The following TTF1 variants were observed in gnomAD, a reference collection of about 807,000 sequenced individuals.
TTF1 encodes transcription termination factor, RNA polymerase I.
A neutral mutation model predicts 80.2 loss-of-function variants in TTF1; 64 were observed. The ratio of observed to expected loss-of-function variants is 0.80; its 90% CI spans 0.65 to 0.98. The LOEUF (loss-of-function observed/expected upper bound fraction) is 0.98. TTF1 is among the 50% of genes least tolerant of loss of function. The pLI is 0.00. For synonymous variants in TTF1, 372 were observed against 382.7 expected (o/e 0.97, Z 0.33); for missense variants, 1,023 against 1,086.2 (o/e 0.94, Z 0.82).
At chr9:132,405,659 T>G (rs1849852613) in intron 1 of TTF1, among the ~76,000 whole-genome samples, 2 of 152,252 alleles carry the variant, frequency 1.3e-5, no homozygotes, top group African/African-American at 4.8e-5. Flanking sequence ...GTTCCCCTGT[T>G]ATTCTTAAGA....
intron 9 of TTF1, among the ~76,000 whole-genome samples, chr9:132,379,417 G>A (rs779125040): frequency 1.3e-5 from 2 of 152,200 alleles, no homozygotes; most frequent in Non-Finnish European, 2.9e-5. Context: ...CACTAGTCGA[G>A]AAGGCAAAGT....
At chr9:132,405,653 C>T (rs1283745300) in intron 1 of TTF1, among the ~76,000 whole-genome samples, 1 of 152,186 alleles carries the variant, frequency 6.6e-6, no homozygotes, top group South Asian at 2.1e-4. Flanking sequence ...TTTAGGGTTC[C>T]CCTGTTATTC....
chr9:132,387,502 AGGAAACCCACAGT>A (rs139156259), intron 8 of TTF1, among the ~76,000 whole-genome samples: 66,448 of 151,946 alleles, frequency 0.44, 17,706 homozygotes, highest in Non-Finnish European at 0.6. Flanking sequence ...AAAGAGGATC[AGGAAACCCACAGT>A]GAGCCTTAGG....
intron 9 of TTF1, among the ~76,000 whole-genome samples, chr9:132,383,706 G>T (rs1406140775): frequency 6.6e-6 from 1 of 152,102 alleles, no homozygotes; most frequent in Non-Finnish European, 1.5e-5. Flanking sequence ...GATTTATTTG[G>T]TCCAGAGCAC....
rs1218743046 is a variant in TTF1, at chr9:132,402,105, T to C, written c.717A>G (p.Gly239=). 1 of 1,614,118 alleles carries C rather than the reference T, an allele frequency of 6.2e-7. No individual in the cohort carries two copies. Among genetic ancestry groups the C allele is most frequent in the African/African-American group, 1.3e-5 (1 of 74,996 alleles). ...TCCCGGCCTCTCTGCCTGCTTGCGA[T>C]CCTTCAGGCATGGCCAGTGTCTCAT... The part of the protein sequence containing the change: ...REYETLAMPE[G]SQAGREAGTD... The change falls in exon 2 of 11, where the codon GGA becomes GGG. Residue 239 remains glycine (G), a synonymous_variant. Transcript: ENST00000334270.
chr9:132,375,722 T>C lies in TTF1; in HGVS notation c.*193A>G. ...GAGAAAAAGGGACAAGAAATAGTAATCTCTCTCTCTCATGCGGTGGTGCGA... is the reference window on the plus strand; with the variant it reads ...GAGAAAAAGGGACAAGAAATAGTAACCTCTCTCTCTCATGCGGTGGTGCGA... On this transcript the variant is annotated 3_prime_UTR_variant, in exon 11 of 11. Transcript: ENST00000334270. The C allele has an allele frequency of 6.1e-6, 3 of 494,878 alleles. No individual in the cohort carries two copies. Among genetic ancestry groups the C allele is most frequent in the South Asian group, 2.6e-5 (1 of 38,678 alleles). The allele number at this position is 494,878 out of a possible 1,614,324, so 30.7% of individuals were successfully genotyped here. A position where few individuals can be genotyped will look rare whatever the true frequency, so the allele number is the denominator to read the frequency against.
intron 9 of TTF1, among the ~76,000 whole-genome samples, chr9:132,382,414 TA>T (rs1006378047): frequency 1.3e-5 from 2 of 151,876 alleles, no homozygotes; most frequent in Middle Eastern, 3.4e-3. Flanking sequence ...AGCTAAATAA[TA>T]AAAAAAAGTC....
intron 4 of TTF1, among the ~76,000 whole-genome samples, chr9:132,397,383 A>G (rs1274345416): frequency 6.6e-6 from 1 of 152,212 alleles, no homozygotes; most frequent in Non-Finnish European, 1.5e-5. Flanking sequence ...TTTAAATTCA[A>G]GAGAGATTTG....
At chr9:132,378,431 T>A (rs1167547504) in intron 10 of TTF1, among the ~76,000 whole-genome samples, 1 of 67,704 alleles carries the variant, frequency 1.5e-5, no homozygotes, top group African/African-American at 8.3e-5. Context: ...GTGCATGTGG[T>A]GTGTGAATGC....
intron 5 of TTF1, 129 bp from the exon 6 acceptor site, chr9:132,392,335 C>T (rs765466412): frequency 1.3e-5 from 14 of 1,074,942 alleles, no homozygotes; most frequent in Non-Finnish European, 1.9e-5. Flanking sequence ...CCGGTCACAG[C>T]CCTCTTCACT....
chr9:132,394,182 T>C (rs1202223288), intron 5 of TTF1, among the ~76,000 whole-genome samples: 1 of 151,780 alleles, frequency 6.6e-6, no homozygotes, highest in African/African-American at 2.4e-5. Flanking sequence ...ATTACAGGCA[T>C]GAGCCACCGC....
At chr9:132,377,641 T>C (rs1849238057) in intron 10 of TTF1, among the ~76,000 whole-genome samples, 1 of 129,628 alleles carries the variant, frequency 7.7e-6, no homozygotes, top group Non-Finnish European at 1.6e-5. Flanking sequence ...GTGGTGCGTG[T>C]GAATGCATGT....
intron 6 of TTF1, among the ~76,000 whole-genome samples, chr9:132,391,358 CTAAG>C (rs1051228852): frequency 2.6e-5 from 4 of 152,136 alleles, no homozygotes; most frequent in African/African-American, 9.7e-5. Context: ...CACGGTCACG[CTAAG>C]TAAGGAGCGT....
intron 4 of TTF1, 116 bp from the exon 5 acceptor site, chr9:132,396,627 C>T: frequency 1.3e-6 from 1 of 790,756 alleles, no homozygotes; most frequent in Admixed American, 2.4e-5. Flanking sequence ...CGTGTTAAGG[C>T]TGGGATTTCC....
intron 6 of TTF1, among the ~76,000 whole-genome samples, chr9:132,391,726 G>A (rs956455148): frequency 9.2e-5 from 14 of 152,216 alleles, no homozygotes; most frequent in African/African-American, 3.4e-4. Flanking sequence ...TGACGGGCAC[G>A]AACTGCGTGC....
rs762883317 is a variant in TTF1 at position 132,402,233 on chromosome 9, ACTC to A, written c.586_588del (p.Glu196del). 4 of 1,613,732 alleles carry A rather than the reference ACTC, an allele frequency of 2.5e-6. No homozygotes were observed. Among genetic ancestry groups the A allele is most frequent in the Middle Eastern group, 1.6e-4 (1 of 6,062 alleles). On this transcript the variant is annotated inframe_deletion, in exon 2 of 11. Transcript: ENST00000334270. ...CCCCCTGGACCCACAGAAAGCCAGG[ACTC>A]CTCCTGGTGGGATTCTGACTGAGGC...
chr9:132,405,017 C>G (rs988771259), intron 1 of TTF1, among the ~76,000 whole-genome samples: 5 of 148,408 alleles, frequency 3.4e-5, no homozygotes, highest in African/African-American at 1.0e-4. Flanking sequence ...TCCCGAGTAG[C>G]TGGGACTACA....
intron 1 of TTF1, among the ~76,000 whole-genome samples, chr9:132,403,750 T>G (rs1273943904): frequency 6.6e-6 from 1 of 152,170 alleles, no homozygotes; most frequent in Non-Finnish European, 1.5e-5. Context: ...GTTTGTACCA[T>G]GGAGAAGCCA....
rs774406955 is a variant in TTF1 at position 132,398,143 on chromosome 9, A to G, written c.1775T>C (p.Ile592Thr). ...AGGGTGATTGTTTCTAAACTTACCA[A>G]TGTGTAATCTAAACGAGTATCTCCT... ...LKRRYSFRLH[I>T]GRNIARPWKL... Residue 592 changes from isoleucine to threonine, a missense_variant and splice_region_variant, in exon 4 of 11, where the codon ATT becomes ACT. Physicochemically the swap from Ile to Thr is moderately conservative, Grantham distance 89. Coordinates refer to ENST00000334270, the MANE Select transcript of TTF1 (RefSeq NM_007344.4). 1 of 1,576,498 alleles carries G rather than the reference A, an allele frequency of 6.3e-7. No individual in the cohort carries two copies.
Sources: allele counts gnomAD v4.1 joint callset (sites outside exome capture counted in the v4.1 genomes callset), GRCh38; gene constraint gnomAD v4.1.1; transcripts MANE v1.5; gene names NCBI Gene and HGNC (gene_info 2026-07-23, HGNC 2026-07-21).